Variants in EVI5 observed in about 807,000 individuals in gnomAD.
EVI5 encodes the protein ecotropic viral integration site 5, also known as ecotropic viral integration site 5 protein homolog.
In EVI5, 73 loss-of-function variants were observed where a neutral mutation model predicts 112.0. The observed-to-expected ratio is 0.65, with a 90% CI of 0.54 to 0.79. EVI5 has a LOEUF of 0.79. Ranked by LOEUF, EVI5 falls within the 30% of genes least tolerant of loss-of-function variation. EVI5 has a pLI of 0.00. For synonymous variants in EVI5, 305 were observed against 319.9 expected, an observed-to-expected ratio of 0.95 and a Z score of 0.50; for missense variants, 900 against 968.8, an observed-to-expected ratio of 0.93 and a Z score of 0.94.
upstream of EVI5, among the ~76,000 whole-genome samples, chr1:92,786,017 G>A (rs1685598161): frequency 6.6e-6 from 1 of 151,846 alleles, no homozygotes; most frequent in Non-Finnish European, 1.5e-5. Context: ...CTTGAACCAC[G>A]GAGGTGGAGG....
intron 18 of EVI5, among the ~76,000 whole-genome samples, chr1:92,567,249 A>T (rs2100950236): frequency 6.6e-6 from 1 of 152,260 alleles, no homozygotes; most frequent in African/African-American, 2.4e-5. Flanking sequence ...TCAAAAAGTT[A>T]AAAAAAATTA....
Position 92,636,152 on chromosome 1 carries a change from C to T in EVI5, c.1527+50G>A, listed in dbSNP as rs202122938. On this transcript the variant is annotated intron_variant, in intron 14 of 19. Coordinates refer to ENST00000684568, the MANE Select transcript of EVI5 (RefSeq NM_001350197.2). Reference sequence around the variant, plus strand: ...TGCTCAGTAAGTACTTAATAAATATCACATATCCCCTCTAATTTGGGAATG... The same window carrying T: ...TGCTCAGTAAGTACTTAATAAATATTACATATCCCCTCTAATTTGGGAATG... 4.9e-5 allele frequency: 73 copies of T among 1,501,488 alleles called. 1 individual carries two copies. In the South Asian group the frequency reaches 8.4e-4, roughly 17 times the overall value. 93.0% of individuals were successfully genotyped at this position (1,501,488 alleles called of 1,614,324 possible).
intron 19 of EVI5, among the ~76,000 whole-genome samples, chr1:92,561,599 CTAATCTATCCTAT>C (rs1557789839): frequency 1.5e-4 from 22 of 145,978 alleles, no homozygotes; most frequent in Non-Finnish European, 2.3e-4. Flanking sequence ...ATCTATCTAT[CTAATCTATCCTAT>C]CTATCTATCT....
At position 92,536,796 on chromosome 1, in the gene EVI5, G is replaced by A. The variant is rs371714922; in HGVS notation, c.2167-22826C>T. On this transcript the variant is annotated intron_variant, in intron 19 of 19. Transcript: ENST00000684568. ...GTGTGGCTAGAGGAGACAATGTGCT[G>A]TGTGTCTGCTTTCTTTTAGCACATC... 3.7e-4 allele frequency among the ~76,000 whole-genome samples: 57 copies of A among 152,216 alleles called. 2 individuals carry two copies. In the South Asian group the frequency reaches 0.011, roughly 30 times the overall value.
chr1:92,751,102 A>C (rs1005264914), intron 1 of EVI5, among the ~76,000 whole-genome samples: 1 of 152,186 alleles, frequency 6.6e-6, no homozygotes, highest in East Asian at 1.9e-4. Flanking sequence ...ATGAGCCAAG[A>C]TCGCACCACT....
chr1:92,730,357 T>C (rs977857300), intron 2 of EVI5, among the ~76,000 whole-genome samples: 18 of 150,558 alleles, frequency 1.2e-4, no homozygotes, highest in Admixed American at 4.0e-4. Context: ...GACCCCCATC[T>C]CTAAAAGAAA....
chr1:92,530,083 G>A (rs979354712), intron 19 of EVI5, among the ~76,000 whole-genome samples: 3 of 152,158 alleles, frequency 2.0e-5, no homozygotes, highest in African/African-American at 7.2e-5. Context: ...TTAGACCCTT[G>A]ATGGTAGGGA....
chr1:92,584,931 T>C (rs982656239), intron 18 of EVI5, among the ~76,000 whole-genome samples: 3 of 152,200 alleles, frequency 2.0e-5, no homozygotes, highest in Middle Eastern at 6.8e-3. Flanking sequence ...AGTTTAAAAA[T>C]ACCAGCCCAA....
upstream of EVI5, among the ~76,000 whole-genome samples, chr1:92,787,752 A>G (rs189436295): frequency 4.0e-5 from 6 of 151,750 alleles, no homozygotes; most frequent in East Asian, 3.9e-4. Flanking sequence ...AAAAAAAAAA[A>G]AGAGAGAGAA....
intron 1 of EVI5, among the ~76,000 whole-genome samples, chr1:92,777,359 C>T (rs1684283478): frequency 6.6e-6 from 1 of 152,174 alleles, no homozygotes; most frequent in Non-Finnish European, 1.5e-5. Flanking sequence ...CAGCCCAATC[C>T]ATTTCTCCAG....
At chr1:92,766,471 C>A (rs11164805) in intron 1 of EVI5, among the ~76,000 whole-genome samples, 1 of 152,068 alleles carries the variant, frequency 6.6e-6, no homozygotes, top group Non-Finnish European at 1.5e-5. Flanking sequence ...TTTCAGTATA[C>A]ACAATATATC....
chr1:92,517,452 C>T (rs1005703980), intron 19 of EVI5, among the ~76,000 whole-genome samples: 3 of 152,136 alleles, frequency 2.0e-5, no homozygotes, highest in East Asian at 1.9e-4. Flanking sequence ...TCAGAATCAC[C>T]GTGGTAGACC....
intron 16 of EVI5, among the ~76,000 whole-genome samples, chr1:92,614,204 G>A (rs190372345): frequency 2.0e-5 from 3 of 152,266 alleles, no homozygotes; most frequent in Non-Finnish European, 4.4e-5. Context: ...AGGCCTAGCA[G>A]AAGGAAAAAT....
chr1:92,683,791 G>A (rs1241271268), intron 9 of EVI5, among the ~76,000 whole-genome samples: 2 of 152,048 alleles, frequency 1.3e-5, no homozygotes, highest in African/African-American at 4.8e-5. Context: ...ATTCGATCAA[G>A]TGGAAGAAAG....
intron 16 of EVI5, among the ~76,000 whole-genome samples, chr1:92,618,452 T>C (rs1303765802): frequency 6.6e-6 from 1 of 152,242 alleles, no homozygotes; most frequent in Non-Finnish European, 1.5e-5. Context: ...CTGGGATGAC[T>C]GACCCGGACT....
chr1:92,787,973 A>G (rs1408495124), upstream of EVI5, among the ~76,000 whole-genome samples: 1 of 25,204 alleles, frequency 4.0e-5, no homozygotes. Context: ...GAAATTCTAG[A>G]AAAGAAAATT....
chr1:92,634,880 T>C (rs1220873552), intron 14 of EVI5, among the ~76,000 whole-genome samples: 1 of 152,222 alleles, frequency 6.6e-6, no homozygotes, highest in Non-Finnish European at 1.5e-5. Context: ...TTTCTGTTTG[T>C]TAGTTTTCCT....
At chr1:92,621,455 G>A (rs568972959) in intron 16 of EVI5, among the ~76,000 whole-genome samples, 116 of 152,316 alleles carry the variant, frequency 7.6e-4, no homozygotes, top group African/African-American at 2.6e-3. Context: ...GGGACTACAG[G>A]CATGTGCCAC....
At chr1:92,656,937 G>A (rs1253692053) in intron 13 of EVI5, among the ~76,000 whole-genome samples, 8 of 152,102 alleles carry the variant, frequency 5.3e-5, no homozygotes, top group Non-Finnish European at 1.2e-4. Flanking sequence ...TGAATTCACA[G>A]CCAAATTCTA....
Sources: gnomAD v4.1 joint callset for allele counts (sites outside exome capture counted in the v4.1 genomes callset) on GRCh38, gnomAD v4.1.1 for gene constraint, MANE v1.5 for transcripts, NCBI Gene and HGNC (gene_info 2026-07-23, HGNC 2026-07-21) for gene names.